TMTC2: variants seen among roughly 807,000 people sequenced by gnomAD.
The protein encoded by TMTC2 is protein O-mannosyl-transferase TMTC2.
TMTC2 carries 43 observed loss-of-function variants against 82.4 expected under a neutral mutation model. That is an observed-to-expected ratio of 0.52 (90% confidence interval 0.41 to 0.67). The LOEUF (loss-of-function observed/expected upper bound fraction) is 0.67. Ranked by LOEUF, TMTC2 falls within the 30% of genes least tolerant of loss-of-function variation. TMTC2 has a pLI of 0.00. For missense variants in TMTC2, 919 were observed against 1,012.4 expected (o/e 0.91, Z 1.25); for synonymous variants, 408 against 381.9 (o/e 1.07, Z -0.80).
chr12:82,852,140 C>T (rs1387580336), intron 1 of TMTC2, among the ~76,000 whole-genome samples: 1 of 147,934 alleles, frequency 6.8e-6, no homozygotes, highest in African/African-American at 2.5e-5. Context: ...CTCGCTCTGT[C>T]GCCCAGGCTG....
chr12:83,041,686 A>T (rs1233008823), intron 9 of TMTC2, among the ~76,000 whole-genome samples: 8 of 152,226 alleles, frequency 5.3e-5, no homozygotes, highest in African/African-American at 1.9e-4. Context: ...TTGCAGGAGG[A>T]TGGAAGATTA....
chr12:83,036,478 CTTTTTTT>C (rs1332894300), intron 9 of TMTC2, among the ~76,000 whole-genome samples: 1 of 103,194 alleles, frequency 9.7e-6, no homozygotes. Flanking sequence ...GTCCCCGAGT[CTTTTTTT>C]TTTTTTTTTT....
At chr12:83,037,180 C>T (rs2137433534) in intron 9 of TMTC2, among the ~76,000 whole-genome samples, 1 of 152,282 alleles carries the variant, frequency 6.6e-6, no homozygotes, top group East Asian at 1.9e-4. Flanking sequence ...TAAAAGTAGG[C>T]TCTGGAGGAC....
intron 11 of TMTC2, among the ~76,000 whole-genome samples, chr12:83,067,644 T>C (rs1358681301): frequency 2.0e-5 from 3 of 152,034 alleles, no homozygotes; most frequent in Admixed American, 6.6e-5. Context: ...GATAGAATTT[T>C]ATGTTAAAGA....
intron 1 of TMTC2, among the ~76,000 whole-genome samples, chr12:82,731,749 G>A (rs1874819849): frequency 6.6e-6 from 1 of 152,208 alleles, no homozygotes; most frequent in African/African-American, 2.4e-5. Context: ...TGTGTAATCA[G>A]CAACTAGTAA....
intron 8 of TMTC2, among the ~76,000 whole-genome samples, chr12:83,012,345 G>C (rs17010336): frequency 0.071 from 10,777 of 152,066 alleles, 524 homozygotes; most frequent in African/African-American, 0.13. Context: ...CAACTAATTA[G>C]ACAAAAAAAG....
chr12:82,773,467 T>C (rs1039262148), intron 1 of TMTC2, among the ~76,000 whole-genome samples: 1 of 151,638 alleles, frequency 6.6e-6, no homozygotes, highest in African/African-American at 2.4e-5. Context: ...TATTTCTTTT[T>C]TTTTTTTTTT....
chr12:82,990,882 T>C (rs1245373253), intron 8 of TMTC2, among the ~76,000 whole-genome samples: 2 of 152,094 alleles, frequency 1.3e-5, no homozygotes, highest in Non-Finnish European at 2.9e-5. Context: ...ACTTATTTCT[T>C]CAAGCTAGGT....
At chr12:82,868,913 T>C (rs560024290) in intron 2 of TMTC2, among the ~76,000 whole-genome samples, 1 of 152,256 alleles carries the variant, frequency 6.6e-6, no homozygotes, top group East Asian at 1.9e-4. Context: ...CAGAAAATTT[T>C]GTCTTTAAAG....
At chr12:82,791,457 A>G (rs1006537730) in intron 1 of TMTC2, among the ~76,000 whole-genome samples, 6 of 152,088 alleles carry the variant, frequency 3.9e-5, no homozygotes, top group African/African-American at 1.2e-4. Flanking sequence ...ACCTACTACT[A>G]ACTAACACAA....
At chr12:82,893,369 C>CAAAAAAAAAAAAAAACAAAAA (rs71443447) in intron 2 of TMTC2, among the ~76,000 whole-genome samples, 1 of 122,646 alleles carries the variant, frequency 8.2e-6, no homozygotes, top group Non-Finnish European at 1.8e-5. Flanking sequence ...GACTCTATCT[C>CAAAAAAAAAAAAAAACAAAAA]AAAAAAAAAA....
At chr12:83,007,542 A>G (rs1326809391) in intron 8 of TMTC2, among the ~76,000 whole-genome samples, 2 of 152,134 alleles carry the variant, frequency 1.3e-5, no homozygotes, top group Non-Finnish European at 2.9e-5. Context: ...GCGTACAATT[A>G]CCTTACGGAG....
chr12:82,895,659 G>A (rs983490464), intron 2 of TMTC2, among the ~76,000 whole-genome samples, 159 bp from the exon 3 acceptor site: 5 of 152,108 alleles, frequency 3.3e-5, no homozygotes, highest in East Asian at 3.9e-4. Flanking sequence ...AATTTCTCTA[G>A]GCGTGCTTGA....
At chr12:83,016,780 G>C (rs1282469056) in intron 8 of TMTC2, among the ~76,000 whole-genome samples, 1 of 152,144 alleles carries the variant, frequency 6.6e-6, no homozygotes, top group Non-Finnish European at 1.5e-5. Flanking sequence ...GTGAATCCCA[G>C]CTCTGCCAAA....
At chr12:82,793,368 C>CTTT (rs5799596) in intron 1 of TMTC2, among the ~76,000 whole-genome samples, 9 of 137,334 alleles carry the variant, frequency 6.6e-5, no homozygotes, top group East Asian at 2.1e-4. Flanking sequence ...AGTCTTTTTT[C>CTTT]TTTTTTTTTT....
chr12:83,009,237 C>T (rs1370593334), intron 8 of TMTC2, among the ~76,000 whole-genome samples: 4 of 152,280 alleles, frequency 2.6e-5, no homozygotes, highest in Admixed American at 1.3e-4. Flanking sequence ...GAGTCTTCTA[C>T]TTCCCCTGCC....
chr12:82,771,344 G>T (rs1378672173), intron 1 of TMTC2, among the ~76,000 whole-genome samples: 3 of 151,900 alleles, frequency 2.0e-5, no homozygotes, highest in Non-Finnish European at 4.4e-5. Context: ...TATCTTTTTT[G>T]GTCTTTCAAT....
intron 1 of TMTC2, among the ~76,000 whole-genome samples, chr12:82,741,817 T>C (rs1875423247): frequency 1.3e-5 from 2 of 152,172 alleles, no homozygotes; most frequent in Admixed American, 6.5e-5. Flanking sequence ...AGTGGGACAC[T>C]GGGTAGTGGG....
chr12:83,036,363 A>T (rs1166348117), intron 9 of TMTC2, among the ~76,000 whole-genome samples: 1 of 152,100 alleles, frequency 6.6e-6, no homozygotes. Flanking sequence ...TAGATTTTTT[A>T]AAATTATAAT....
Sources: allele counts gnomAD v4.1 joint callset (sites outside exome capture counted in the v4.1 genomes callset), GRCh38; gene constraint gnomAD v4.1.1; transcripts MANE v1.5; gene names NCBI Gene and HGNC (gene_info 2026-07-23, HGNC 2026-07-21).